Variants in PCDHGA4 observed in about 807,000 individuals in gnomAD.
PCDHGA4 encodes the protein protocadherin gamma-A4.
PCDHGA4 carries 38 observed loss-of-function variants against 54.6 expected under a neutral mutation model. The observed-to-expected ratio is 0.70, with a 90% CI of 0.54 to 0.91. PCDHGA4 has a LOEUF of 0.91. PCDHGA4 is among the 40% of genes least tolerant of loss of function. The pLI is 0.00. For synonymous variants in PCDHGA4, 511 were observed against 512.9 expected (o/e 1.00, Z 0.05); for missense variants, 1,298 against 1,220.9 (o/e 1.06, Z -0.94).
chr5:141,505,335 A>G, intron 2 of PCDHGA4, 58 bp from the exon 3 acceptor site: 1 of 1,611,086 alleles, frequency 6.2e-7, no homozygotes, highest in Non-Finnish European at 8.5e-7. Flanking sequence ...AGAGGACAGG[A>G]GGGGCATGAG....
rs2096301395 is a variant in PCDHGA4, at chr5:141,418,913, C to A, written c.2514+61292C>A. On this transcript the variant is annotated intron_variant, in intron 1 of 3. Coordinates refer to ENST00000571252, the MANE Select transcript of PCDHGA4 (RefSeq NM_018917.4). ...CAGCCCAGAAATAATCATCACGTCA[C>A]TCTCTGATCAGATTATGGAGGATTC... The A allele has an allele frequency of 2.5e-6, 4 of 1,613,946 alleles. No homozygotes were observed. The highest frequency in any genetic ancestry group is 3.4e-6 in the Non-Finnish European group (4 of 1,179,822).
intron 1 of PCDHGA4, among the ~76,000 whole-genome samples, chr5:141,460,961 A>ATATGTGTGTGTG (rs1463306338): frequency 4.1e-5 from 6 of 144,616 alleles, no homozygotes; most frequent in Admixed American, 1.4e-4. Flanking sequence ...GTATATATAT[A>ATATGTGTGTGTG]TGTGTGTGTG....
chr5:141,370,832 T>C, intron 1 of PCDHGA4: 1 of 1,614,018 alleles, frequency 6.2e-7, no homozygotes. Flanking sequence ...GCGAACTGGC[T>C]CTCACTGGAG....
intron 1 of PCDHGA4, chr5:141,421,898 A>T: frequency 6.2e-7 from 1 of 1,613,736 alleles, no homozygotes; most frequent in Non-Finnish European, 8.5e-7. Flanking sequence ...CCCATCCGAA[A>T]GGGCGCAGTT....
intron 1 of PCDHGA4, among the ~76,000 whole-genome samples, chr5:141,453,101 T>TTTTTG (rs879618609): frequency 3.2e-4 from 49 of 152,130 alleles, no homozygotes; most frequent in Middle Eastern, 6.8e-3. Flanking sequence ...TTCTGTTGCT[T>TTTTTG]TTTTGTTTTG....
At position 141,486,530 on chromosome 5, in the gene PCDHGA4, C is replaced by T; in HGVS notation, c.2515-8277C>T. 6.2e-7 allele frequency: 1 copy of T among 1,614,174 alleles called. No homozygotes were observed. The highest frequency in any genetic ancestry group is 8.5e-7 in the Non-Finnish European group (1 of 1,180,022). On this transcript the variant is annotated intron_variant, in intron 1 of 3. Transcript: ENST00000571252. The surrounding 1 kb of genome is among the most constrained non-coding windows in gnomAD (Gnocchi z 5.0). Reference sequence around the variant, plus strand: ...TATTTCAGATGTGAATGATAATCCACCCTCTTTCTTTCAGAGGTCACATGA... The same window carrying T: ...TATTTCAGATGTGAATGATAATCCATCCTCTTTCTTTCAGAGGTCACATGA...
chr5:141,361,129 A>T (rs369568903), intron 1 of PCDHGA4: 2 of 1,613,906 alleles, frequency 1.2e-6, no homozygotes, highest in Non-Finnish European at 1.7e-6. Context: ...AGCCCACTGC[A>T]GTATCCAAGT....
At chr5:141,479,486 A>T (rs72790065) in intron 1 of PCDHGA4, 21,264 of 152,292 alleles carry the variant, frequency 0.14, 1,529 homozygotes, top group Admixed American at 0.16. Context: ...GGGCAGGACC[A>T]TCAGGTTGCC....
In PCDHGA4 at chr5:141,489,574, C is replaced by T. The variant is rs963768096; in HGVS notation, c.2515-5233C>T. The T allele has an allele frequency of 2.5e-6, 4 of 1,613,978 alleles. No homozygotes were observed. The highest frequency in any genetic ancestry group is 3.4e-6 in the Non-Finnish European group (4 of 1,180,014). ...GCTGCCAGTGCAGGTGGTGACTGAA[C>T]ACCCCCTGGAGCTAATCCGTGTAGA... On this transcript the variant is annotated intron_variant, in intron 1 of 3. Coordinates refer to ENST00000571252, the MANE Select transcript of PCDHGA4 (RefSeq NM_018917.4). This position sits in a 1 kb window ranked among gnomAD's most constrained non-coding sequence, Gnocchi z 4.5.
intron 1 of PCDHGA4, chr5:141,419,427 A>C: frequency 1.2e-6 from 2 of 1,613,290 alleles, no homozygotes; most frequent in Non-Finnish European, 1.7e-6. Context: ...TTCGACCACG[A>C]GCAGCTGCGC....
rs928847931 is a variant in PCDHGA4 at position 141,385,514 on chromosome 5, G to A, written c.2514+27893G>A. 5 of 1,363,488 alleles carry A rather than the reference G, an allele frequency of 3.7e-6. No homozygotes were observed. The African/African-American group carries it at 5.9e-5, about 16-fold the overall frequency. The allele number at this position is 1,363,488 out of a possible 1,614,324, so 84.5% of individuals were successfully genotyped here. ...AGGATATAGTATTTCTTTAGTGAAA[G>A]CCTATGGACAAGATTATGAATATGT... is the stretch of plus-strand genomic sequence containing the variant. On this transcript the variant is annotated intron_variant, in intron 1 of 3. Transcript: ENST00000571252.
chr5:141,422,205 A>G (rs758255761), intron 1 of PCDHGA4: 2 of 1,562,218 alleles, frequency 1.3e-6, no homozygotes, highest in Non-Finnish European at 1.7e-6. Flanking sequence ...AAGATGGTGG[A>G]GGTCTCTTTA....
intron 1 of PCDHGA4, chr5:141,382,716 C>G (rs11575956): frequency 0.036 from 17,699 of 487,890 alleles, 411 homozygotes; most frequent in Middle Eastern, 0.065. Flanking sequence ...CAGAAACCAC[C>G]GAGTTTTACA....
chr5:141,386,797 T>C (rs771279831), intron 1 of PCDHGA4, among the ~76,000 whole-genome samples: 1 of 152,124 alleles, frequency 6.6e-6, no homozygotes, highest in Non-Finnish European at 1.5e-5. Context: ...TGACCAAAAT[T>C]TATTAGATGC....
Position 141,476,591 on chromosome 5 carries a change from G to T in PCDHGA4, c.2515-18216G>T, listed in dbSNP as rs200254399. The T allele has an allele frequency of 6.2e-7, 1 of 1,614,230 alleles. No homozygotes were observed. The highest frequency in any genetic ancestry group is 8.5e-7 in the Non-Finnish European group (1 of 1,180,046). On this transcript the variant is annotated intron_variant, in intron 1 of 3. Transcript: ENST00000571252. The surrounding 1 kb of genome is among the most constrained non-coding windows in gnomAD (Gnocchi z 7.6). The stretch of plus-strand genomic sequence containing the variant: ...GGGGACGCGCTTTCCGCTCGAGAGC[G>T]CGCACGATCCCGATGTGGGAAGCAA...
chr5:141,415,492 A>G lies in PCDHGA4; in HGVS notation c.2514+57871A>G, dbSNP rs373866182. 4 of 1,614,154 alleles carry G rather than the reference A, an allele frequency of 2.5e-6. No individual in the cohort carries two copies. The African/African-American group carries it at 4.0e-5, about 16-fold the overall frequency. On this transcript the variant is annotated intron_variant, in intron 1 of 3. Transcript: ENST00000571252. Reference sequence around the variant, plus strand: ...CGCGGACTCGCGAAAGAGTCACCTGATCTTCCCCCAGCCCAATTATGCGGA... The same window carrying G: ...CGCGGACTCGCGAAAGAGTCACCTGGTCTTCCCCCAGCCCAATTATGCGGA...
At chr5:141,372,344 A>G in intron 1 of PCDHGA4, 1 of 1,613,770 alleles carries the variant, frequency 6.2e-7, no homozygotes, top group Non-Finnish European at 8.5e-7. Flanking sequence ...GTGATGGAGG[A>G]CAGCAGCCTC....
chr5:141,487,783 G>T lies in PCDHGA4; in HGVS notation c.2515-7024G>T. The T allele has an allele frequency of 6.6e-7, 1 of 1,522,846 alleles. No homozygotes were observed. The allele number at this position is 1,522,846 out of a possible 1,614,324, so 94.3% of individuals were successfully genotyped here. ...ACGCTGTGCTTTGTAACTGTTTCGT[G>T]AATTAACCAGAGTTGTCACAGTTTA... is the stretch of plus-strand genomic sequence containing the variant. On this transcript the variant is annotated intron_variant, in intron 1 of 3. Transcript: ENST00000571252. The surrounding 1 kb of genome is among the most constrained non-coding windows in gnomAD (Gnocchi z 5.0).
At chr5:141,369,119 A>C (rs1265778026) in intron 1 of PCDHGA4, among the ~76,000 whole-genome samples, 2 of 152,206 alleles carry the variant, frequency 1.3e-5, no homozygotes, top group Non-Finnish European at 2.9e-5. Flanking sequence ...ACTGTAAGAC[A>C]CCTGTCAGAA....
Sources: gnomAD v4.1 joint callset for allele counts (sites outside exome capture counted in the v4.1 genomes callset) on GRCh38, gnomAD v4.1.1 for gene constraint, Gnocchi (gnomAD v3.1) non-coding constraint, MANE v1.5 for transcripts, NCBI Gene and HGNC (gene_info 2026-07-23, HGNC 2026-07-21) for gene names.